IGSF3: variants seen among roughly 807,000 people sequenced by gnomAD.
IGSF3 encodes immunoglobulin superfamily member 3.
A neutral mutation model predicts 114.4 loss-of-function variants in IGSF3; 23 were observed. The ratio of observed to expected loss-of-function variants is 0.20; its 90% CI spans 0.14 to 0.28. The LOEUF (loss-of-function observed/expected upper bound fraction) is 0.28, where lower values mean the gene tolerates loss of function less well. Ranked by LOEUF, IGSF3 falls within the 10% of genes least tolerant of loss-of-function variation. IGSF3 has a pLI of 1.00. For missense variants in IGSF3, 1,172 were observed against 1,591.5 expected (o/e 0.74, Z 4.48); for synonymous variants, 571 against 645.2 (o/e 0.88, Z 1.74).
rs781166741 is a variant in IGSF3, at chr1:116,604,011, C to T, written c.1237G>A (p.Val413Met). The change falls in exon 6 of 11, where the codon GTG (valine) becomes ATG (methionine). Residue 413 changes from valine (V) to methionine (M), a missense_variant. Val to Met is a conservative substitution (Grantham distance 21). Transcript: ENST00000369486. ...IVLPLKSSISVEVASNASVIL... is the reference protein window; with the variant it reads ...IVLPLKSSISMEVASNASVIL... ...ACGCTGGCATTGCTGGCCACCTCCA[C>T]GGAGATGCTGCTCTCTAGGAAGAGG... The T allele has an allele frequency of 5.2e-5, 84 of 1,606,476 alleles. 1 individual carries two copies. The highest frequency in any genetic ancestry group is 2.5e-4 in the South Asian group (23 of 90,904).
rs1423760827 is a variant in IGSF3, at chr1:116,625,697, G to A, written c.44-9240C>T. On this transcript the variant is annotated intron_variant, in intron 2 of 10. Transcript: ENST00000369486. This position sits in a 1 kb window ranked among gnomAD's most constrained non-coding sequence, Gnocchi z 4.7. ...TGCGACAAGATGAGGGCCTGGCCTG[G>A]TTTTAAATCCAAGGACAAAAATATC... is the stretch of plus-strand genomic sequence containing the variant. 6.6e-6 allele frequency among the ~76,000 whole-genome samples: 1 copy of A among 152,180 alleles called. No homozygotes were observed. Among genetic ancestry groups the A allele is most frequent in the Non-Finnish European group, 1.5e-5 (1 of 68,030 alleles).
chr1:116,641,138 G>C (rs1358781257), intron 2 of IGSF3, among the ~76,000 whole-genome samples: 2 of 152,210 alleles, frequency 1.3e-5, no homozygotes, highest in Non-Finnish European at 2.9e-5. Context: ...TAGGTGGTGA[G>C]TGTATGGGGG....
At chr1:116,639,349 A>G (rs1647977885) in intron 2 of IGSF3, among the ~76,000 whole-genome samples, 1 of 152,242 alleles carries the variant, frequency 6.6e-6, no homozygotes, top group African/African-American at 2.4e-5. Flanking sequence ...TGAAACATCT[A>G]TTCAACCACT....
In IGSF3 at chr1:116,624,565, C is replaced by T. The variant is rs921545998; in HGVS notation, c.44-8108G>A. 2.0e-5 allele frequency among the ~76,000 whole-genome samples: 3 copies of T among 152,240 alleles called. No individual in the cohort carries two copies. The highest frequency in any genetic ancestry group is 7.2e-5 in the African/African-American group (3 of 41,464). On this transcript the variant is annotated intron_variant, in intron 2 of 10. Transcript: ENST00000369486. The surrounding 1 kb of genome is among the most constrained non-coding windows in gnomAD (Gnocchi z 4.9). ...CTAGCTGTGGAACTAATTTCTCCCA[C>T]ACACCGTGGCAGGTTGTATTCTCCA...
chr1:116,579,528 T>C lies in IGSF3; in HGVS notation c.3198A>G (p.Thr1066=). The change falls in exon 10 of 11, where the codon ACA becomes ACG. Residue 1066 remains threonine (T), a synonymous_variant. Coordinates refer to ENST00000369486, the MANE Select transcript of IGSF3 (RefSeq NM_001007237.3). This position sits in a 1 kb window ranked among gnomAD's most constrained non-coding sequence, Gnocchi z 6.4. ...QRLSPVLYRL[T]VLQASPQDTG... ...TATCTTGGGGGCTTGCCTGCAGCAC[T>C]GTGAGCCGGTAGAGCACCGGGGAGA... 2 of 1,614,104 alleles carry C rather than the reference T, an allele frequency of 1.2e-6. No individual in the cohort carries two copies. The highest frequency in any genetic ancestry group is 8.5e-7 in the Non-Finnish European group (1 of 1,180,020).
chr1:116,600,194 G>T lies in IGSF3; in HGVS notation c.1776C>A (p.Phe592Leu), dbSNP rs1197553886. 12 of 1,614,016 alleles carry T rather than the reference G, an allele frequency of 7.4e-6. No homozygotes were observed. The highest frequency in any genetic ancestry group is 1.0e-5 in the Non-Finnish European group (12 of 1,180,016). The change falls in exon 7 of 11, where the codon TTC becomes TTA. Residue 592 changes from phenylalanine to leucine, a missense_variant. Phe to Leu is a conservative substitution (Grantham distance 22). Around this residue, in one of 3 missense-constraint regions of IGSF3, gnomAD observed 736 missense variants for 1,042.0 expected, o/e 0.71. Transcript: ENST00000369486. This position sits in a 1 kb window ranked among gnomAD's most constrained non-coding sequence, Gnocchi z 5.5. ...WRFQPVGTVEFHDLVTFTRDG... is the reference protein window; with the variant it reads ...WRFQPVGTVELHDLVTFTRDG... Reference sequence around the variant, plus strand: ...CCCGGGTGAAGGTCACCAAGTCATGGAACTCCACCGTGCCCACCGGCTGGA... The same window carrying T: ...CCCGGGTGAAGGTCACCAAGTCATGTAACTCCACCGTGCCCACCGGCTGGA...
rs1443301268 is a variant in IGSF3, at chr1:116,585,647, C to T, written c.2441-595G>A. Among the ~76,000 whole-genome samples the T allele has an allele frequency of 6.6e-6, 1 of 152,188 alleles. No individual in the cohort carries two copies. Among genetic ancestry groups the T allele is most frequent in the East Asian group, 1.9e-4 (1 of 5,188 alleles). On this transcript the variant is annotated intron_variant, in intron 8 of 10. Coordinates refer to ENST00000369486, the MANE Select transcript of IGSF3 (RefSeq NM_001007237.3). The surrounding 1 kb of genome is among the most constrained non-coding windows in gnomAD (Gnocchi z 4.9). ...CATCAGTAAAGAAAAGACTGCCAGA[C>T]AAGGTGGCTCACGCCTGTAATCCCA... is the stretch of plus-strand genomic sequence containing the variant.
chr1:116,599,389 T>TAC (rs1156653211), intron 7 of IGSF3, among the ~76,000 whole-genome samples: 48 of 120,570 alleles, frequency 4.0e-4, no homozygotes, highest in Non-Finnish European at 5.3e-4. Flanking sequence ...GACACATACA[T>TAC]ATACACACAC....
chr1:116,654,311 ACCGT>A lies in IGSF3; in HGVS notation c.43+11969_43+11972del, dbSNP rs1375829700. On this transcript the variant is annotated intron_variant, in intron 2 of 10. Coordinates refer to ENST00000369486, the MANE Select transcript of IGSF3 (RefSeq NM_001007237.3). This position sits in a 1 kb window ranked among gnomAD's most constrained non-coding sequence, Gnocchi z 4.4. ...CAATTTCCACCAGGCAGAATTTACA[ACCGT>A]CTGGGACCTGCAGTCTCAGAGGGCT... 4.6e-5 allele frequency among the ~76,000 whole-genome samples: 7 copies of A among 152,136 alleles called. No homozygotes were observed. The highest frequency in any genetic ancestry group is 1.7e-4 in the African/African-American group (7 of 41,426).
chr1:116,667,042 G>A (rs1182036198), intron 1 of IGSF3, 86 bp from the exon 2 acceptor site: 7 of 393,238 alleles, frequency 1.8e-5, no homozygotes, highest in Non-Finnish European at 3.1e-5. Flanking sequence ...CGGACACCTG[G>A]GTCCGGTTCC....
In IGSF3 at chr1:116,596,318, G is replaced by A. The variant is rs1166975246; in HGVS notation, c.2029+3623C>T. ...AATATTCTTTAAAACGGGGGTAGCA[G>A]GGGACATTTCTATGGAAGACACCAG... On this transcript the variant is annotated intron_variant, in intron 7 of 10. Coordinates refer to ENST00000369486, the MANE Select transcript of IGSF3 (RefSeq NM_001007237.3). This position sits in a 1 kb window ranked among gnomAD's most constrained non-coding sequence, Gnocchi z 4.1. Among the ~76,000 whole-genome samples the A allele has an allele frequency of 2.0e-5, 3 of 152,222 alleles. No homozygotes were observed. Among genetic ancestry groups the A allele is most frequent in the Admixed American group, 6.5e-5 (1 of 15,292 alleles).
chr1:116,620,667 C>T (rs1277768882), intron 2 of IGSF3, among the ~76,000 whole-genome samples: 8 of 152,194 alleles, frequency 5.3e-5, no homozygotes. Context: ...CACTAACTTG[C>T]TAGCATGTGA....
chr1:116,619,763 C>A (rs1413274441), intron 2 of IGSF3, among the ~76,000 whole-genome samples: 1 of 151,550 alleles, frequency 6.6e-6, no homozygotes, highest in Non-Finnish European at 1.5e-5. Flanking sequence ...TCCTCCCAGG[C>A]AAGGATCTTT....
At chr1:116,660,900 A>G (rs1421431494) in intron 2 of IGSF3, among the ~76,000 whole-genome samples, 1 of 152,194 alleles carries the variant, frequency 6.6e-6, no homozygotes, top group Non-Finnish European at 1.5e-5. Flanking sequence ...TCCTTTGAAC[A>G]TAATTGTTTT....
At chr1:116,631,998 C>G (rs1477814254) in intron 2 of IGSF3, among the ~76,000 whole-genome samples, 1 of 152,204 alleles carries the variant, frequency 6.6e-6, no homozygotes, top group Non-Finnish European at 1.5e-5. Flanking sequence ...CCACTCGCCA[C>G]AAAGTTCAAG....
At chr1:116,656,860 G>A (rs572599021) in intron 2 of IGSF3, among the ~76,000 whole-genome samples, 42 of 152,208 alleles carry the variant, frequency 2.8e-4, no homozygotes, top group African/African-American at 7.9e-4. Context: ...CCCGGGAGGC[G>A]GAGGTTGCAG....
In IGSF3 at chr1:116,614,127, C is replaced by G; in HGVS notation, c.470G>C (p.Arg157Thr). Residue 157 changes from arginine to threonine, a missense_variant, in exon 4 of 11, where the codon AGA becomes ACA. Physicochemically the swap from Arg to Thr is moderately conservative, Grantham distance 71. Around this residue, in one of 3 missense-constraint regions of IGSF3, gnomAD observed 736 missense variants for 1,042.0 expected, o/e 0.71. Transcript: ENST00000369486. The surrounding 1 kb of genome is among the most constrained non-coding windows in gnomAD (Gnocchi z 4.5). ...GAGCTCCAGCGGGTCCTGCTCCACT[C>G]TGTGCAGAGTCTGGGGCATGGCAGT... ...QTTAMPQTLH[R>T]VEQDPLELTC... 1 of 1,613,838 alleles carries G rather than the reference C, an allele frequency of 6.2e-7. No homozygotes were observed. The highest frequency in any genetic ancestry group is 8.5e-7 in the Non-Finnish European group (1 of 1,180,010).
rs1660663433 is a variant in IGSF3 at position 116,603,181 on chromosome 1, G to C, written c.1624+443C>G. ...ACCCTTCTCTGCTCTCTTTCAGGAA[G>C]GCTGGCCCCTGGGCAGCAGGGCAGG... On this transcript the variant is annotated intron_variant, in intron 6 of 10. Transcript: ENST00000369486. This position sits in a 1 kb window ranked among gnomAD's most constrained non-coding sequence, Gnocchi z 7.1. 6.6e-6 allele frequency among the ~76,000 whole-genome samples: 1 copy of C among 152,226 alleles called. No individual in the cohort carries two copies. The highest frequency in any genetic ancestry group is 2.4e-5 in the African/African-American group (1 of 41,442).
In IGSF3 at chr1:116,634,085, G is replaced by A. The variant is rs984283416; in HGVS notation, c.44-17628C>T. Among the ~76,000 whole-genome samples the A allele has an allele frequency of 2.0e-5, 3 of 152,198 alleles. No individual in the cohort carries two copies. The highest frequency in any genetic ancestry group is 1.3e-4 in the Admixed American group (2 of 15,286). On this transcript the variant is annotated intron_variant, in intron 2 of 10. Transcript: ENST00000369486. The surrounding 1 kb of genome is among the most constrained non-coding windows in gnomAD (Gnocchi z 4.2). ...GAAAGACACACATGAAACCAGTAAC[G>A]GTGATGGTCTCTGGAAGAATTAGGT...
Sources: gnomAD v4.1 joint callset for allele counts (sites outside exome capture counted in the v4.1 genomes callset) on GRCh38, gnomAD v4.1.1 for gene constraint, gnomAD v4.1.1 regional missense constraint, Gnocchi (gnomAD v3.1) non-coding constraint, MANE v1.5 for transcripts, NCBI Gene and HGNC (gene_info 2026-07-23, HGNC 2026-07-21) for gene names.